ACSM3: variants seen among roughly 807,000 people sequenced by gnomAD.
ACSM3 encodes acyl-CoA synthetase medium chain family member 3.
Under a neutral mutation model 74.1 loss-of-function variants are expected in ACSM3, and 61 were observed. The observed-to-expected ratio is 0.82, with a 90% confidence interval of 0.67 to 1.02. The LOEUF is 1.02. ACSM3 is among the 50% of genes least tolerant of loss of function. The probability of loss-of-function intolerance (pLI) is 0.00; values close to 1 mark genes in which losing one functional copy is unlikely to be tolerated. For missense variants in ACSM3, 660 were observed against 697.0 expected (o/e 0.95, Z 0.60); for synonymous variants, 213 against 241.5 (o/e 0.88, Z 1.09).
intron 4 of ACSM3, among the ~76,000 whole-genome samples, chr16:20,778,625 T>C (rs547894599): frequency 6.6e-6 from 1 of 152,144 alleles, no homozygotes; most frequent in East Asian, 1.9e-4. Context: ...ACCCAGGCAG[T>C]ATGGGTGCTG....
At chr16:20,736,108 TG>T (rs1226011271) in intron 1 of ACSM3, 2 of 152,246 alleles carry the variant, frequency 1.3e-5, no homozygotes, top group Admixed American at 6.5e-5. Context: ...TTTTGTAAGT[TG>T]CATGTCACAG....
At chr16:20,742,792 A>AATATATATATATATATATAT (rs1216173827) in intron 1 of ACSM3, among the ~76,000 whole-genome samples, 1 of 136,416 alleles carries the variant, frequency 7.3e-6, no homozygotes, top group East Asian at 2.3e-4. Flanking sequence ...GGTGCGTGTA[A>AATATATATATATATATATAT]ATATATATAT....
Position 20,792,101 on chromosome 16 carries a change from A to G in ACSM3, c.1426A>G (p.Arg476Gly), listed in dbSNP as rs1158398493. ...AGATGGGTATTTCTGGTTTGTTGCA[A>G]GAGCAGATGATGTCATATTATCCTC... The part of the protein sequence containing the change: ...DKDGYFWFVA[R>G]ADDVILSSGY... The change falls in exon 11 of 14, where the codon AGA (arginine) becomes GGA (glycine). Residue 476 changes from arginine to glycine, a missense_variant. By Grantham distance (125) the Arg-to-Gly change is moderately radical. Transcript: ENST00000289416. 1.2e-6 allele frequency: 2 copies of G among 1,614,162 alleles called. No homozygotes were observed. The highest frequency in any genetic ancestry group is 2.2e-5 in the South Asian group (2 of 91,090).
chr16:20,760,781 T>G (rs1008446623), upstream of ACSM3, among the ~76,000 whole-genome samples: 1 of 152,236 alleles, frequency 6.6e-6, no homozygotes, highest in Non-Finnish European at 1.5e-5. Context: ...AGGTTATAGT[T>G]GATTTCATTA....
At chr16:20,729,134 A>C in intron 1 of ACSM3, 2 of 532,746 alleles carry the variant, frequency 3.8e-6, no homozygotes, top group South Asian at 4.9e-5. Context: ...AATTTCCTTT[A>C]GAAGTACAAT....
At chr16:20,697,031 T>C (rs1184386479) in intron 1 of ACSM3, among the ~76,000 whole-genome samples, 1 of 152,166 alleles carries the variant, frequency 6.6e-6, no homozygotes, top group Non-Finnish European at 1.5e-5. Flanking sequence ...TCAATAAATG[T>C]TGAGGTACCT....
At chr16:20,685,321 C>T (rs1000591628) in intron 1 of ACSM3, 1 of 1,614,160 alleles carries the variant, frequency 6.2e-7, no homozygotes, top group South Asian at 1.1e-5. Context: ...GGTTAGGTCT[C>T]CCATCTCTCT....
intron 1 of ACSM3, among the ~76,000 whole-genome samples, chr16:20,739,530 G>A (rs1188245520): frequency 1.3e-5 from 2 of 152,030 alleles, no homozygotes; most frequent in Admixed American, 1.3e-4. Flanking sequence ...CCTTCAAAAC[G>A]TGGAGCAAGG....
At position 20,788,528 on chromosome 16, in the gene ACSM3, T is replaced by C. The variant is rs376497586; in HGVS notation, c.1225-2059T>C. On this transcript the variant is annotated intron_variant, in intron 9 of 13. Coordinates refer to ENST00000289416, the MANE Select transcript of ACSM3 (RefSeq NM_005622.4). Reference sequence around the variant, plus strand: ...TTTAACTCTTTTCCACGGGCCGTTATTATGGGGCTTCTTGTTCCTTAGCTA... The same window carrying C: ...TTTAACTCTTTTCCACGGGCCGTTACTATGGGGCTTCTTGTTCCTTAGCTA... Among the ~76,000 whole-genome samples the C allele has an allele frequency of 9.1e-4, 139 of 152,364 alleles. 4 individuals are homozygous for C. In the South Asian group the frequency reaches 0.028, roughly 31 times the overall value.
intron 1 of ACSM3, chr16:20,741,471 C>G: frequency 6.9e-7 from 1 of 1,443,666 alleles, no homozygotes; most frequent in Non-Finnish European, 9.2e-7. Context: ...CCCGCAAGGC[C>G]TGGCAGCCGG....
intron 1 of ACSM3, among the ~76,000 whole-genome samples, chr16:20,695,712 T>A (rs2079686402): frequency 6.6e-6 from 1 of 152,186 alleles, no homozygotes; most frequent in Non-Finnish European, 1.5e-5. Flanking sequence ...TCTAGATATA[T>A]AAGAACCTGA....
At chr16:20,742,813 A>ATATATATATT (rs61582869) in intron 1 of ACSM3, among the ~76,000 whole-genome samples, 1,180 of 66,624 alleles carry the variant, frequency 0.018, 9 homozygotes, top group East Asian at 0.027. Context: ...ATATATATAT[A>ATATATATATT]TTTTTTTTTT....
At chr16:20,710,034 C>G (rs1184311941) in intron 1 of ACSM3, among the ~76,000 whole-genome samples, 1 of 152,218 alleles carries the variant, frequency 6.6e-6, no homozygotes, top group Non-Finnish European at 1.5e-5. Flanking sequence ...CCCAATAATT[C>G]ACTTTAGAAA....
intron 1 of ACSM3, chr16:20,682,518 T>G (rs2079469005): frequency 6.8e-7 from 1 of 1,467,982 alleles, no homozygotes; most frequent in Admixed American, 1.7e-5. Context: ...ACCATGGGCT[T>G]TAGACTTGGC....
Position 20,737,318 on chromosome 16 carries a change from G to A in ACSM3, c.-189-12592G>A, listed in dbSNP as rs576390376. 1.3e-5 allele frequency: 21 copies of A among 1,572,222 alleles called. No homozygotes were observed. The African/African-American group carries it at 2.6e-4, about 19-fold the overall frequency. On this transcript the variant is annotated intron_variant, in intron 1 of 3. Transcript: ENST00000561584. ...CAAAAACAGAAAAACACATAGCTGA[G>A]GAGGATACCATTACATCTGATAGAT...
At chr16:20,758,888 C>T (rs2080053170) in intron 3 of ACSM3, among the ~76,000 whole-genome samples, 1 of 151,684 alleles carries the variant, frequency 6.6e-6, no homozygotes, top group Non-Finnish European at 1.5e-5. Context: ...TCATTATGTA[C>T]CCAGTAGTCA....
chr16:20,745,538 TGCC>T (rs2079954050), intron 1 of ACSM3, among the ~76,000 whole-genome samples: 1 of 152,020 alleles, frequency 6.6e-6, no homozygotes, highest in South Asian at 2.1e-4. Flanking sequence ...GCTGAAATCG[TGCC>T]ACTGCACTCC....
intron 1 of ACSM3, among the ~76,000 whole-genome samples, chr16:20,742,815 T>TATATATA (rs1567334289): frequency 4.3e-4 from 20 of 47,056 alleles, no homozygotes; most frequent in Non-Finnish European, 5.9e-4. Context: ...ATATATATAT[T>TATATATA]TTTTTTTTTT....
intron 1 of ACSM3, chr16:20,739,176 ATTTT>A (rs34908456): frequency 1.0e-5 from 8 of 793,842 alleles, no homozygotes; most frequent in South Asian, 8.7e-5. Context: ...CTCAGTATTG[ATTTT>A]TTTTTTTTTT....
Sources: gnomAD v4.1 joint callset for allele counts (sites outside exome capture counted in the v4.1 genomes callset) on GRCh38, gnomAD v4.1.1 for gene constraint, MANE v1.5 for transcripts, NCBI Gene and HGNC (gene_info 2026-07-23, HGNC 2026-07-21) for gene names.